PPIG: variants seen among roughly 807,000 people sequenced by gnomAD.
PPIG encodes the protein peptidylprolyl isomerase G, also known as peptidyl-prolyl cis-trans isomerase G.
Under a neutral mutation model 87.9 loss-of-function variants are expected in PPIG, and 26 were observed. The observed-to-expected ratio is 0.30, with a 90% CI of 0.22 to 0.41. PPIG has a LOEUF of 0.41. PPIG is among the 10% of genes least tolerant of loss of function. The pLI is 1.00. For synonymous variants in PPIG, 308 were observed against 276.5 expected, an observed-to-expected ratio of 1.11 and a Z score of -1.13; for missense variants, 722 against 879.4, an observed-to-expected ratio of 0.82 and a Z score of 2.26.
chr2:169,608,945 A>G (rs1457466759), intron 7 of PPIG, among the ~76,000 whole-genome samples, 187 bp downstream of exon 7: 2 of 151,664 alleles, frequency 1.3e-5, no homozygotes, highest in Non-Finnish European at 2.9e-5. Context: ...TTAGCTGGGC[A>G]TGGTGTCGGA....
At chr2:169,629,649 G>T (rs1685984774) in intron 9 of PPIG, among the ~76,000 whole-genome samples, 1 of 152,200 alleles carries the variant, frequency 6.6e-6, no homozygotes, top group Non-Finnish European at 1.5e-5. Flanking sequence ...ATCAGATGCA[G>T]TTGTGACTTG....
Position 169,614,511 on chromosome 2 carries a change from T to A in PPIG, c.407+18T>A. ...TTAGATGGGTAAATATTATTTTATT[T>A]ATTTTACAACCTGTTTTAAATTAAC... is the stretch of plus-strand genomic sequence containing the variant. On this transcript the variant is annotated intron_variant, in intron 8 of 13. Transcript: ENST00000260970. 6.4e-7 allele frequency: 1 copy of A among 1,558,410 alleles called. No individual in the cohort carries two copies. The highest frequency in any genetic ancestry group is 8.7e-7 in the Non-Finnish European group (1 of 1,147,870).
At chr2:169,593,138 A>C in intron 1 of PPIG, among the ~76,000 whole-genome samples, 1 of 151,788 alleles carries the variant, frequency 6.6e-6, no homozygotes, top group East Asian at 1.9e-4. Context: ...ATATATATAT[A>C]TATATCTTAG....
intron 6 of PPIG, among the ~76,000 whole-genome samples, 195 bp from the exon 7 acceptor site, chr2:169,608,476 C>T (rs561108618): frequency 2.0e-5 from 3 of 149,714 alleles, no homozygotes; most frequent in South Asian, 4.3e-4. Context: ...GGCAACAGAG[C>T]GAGACTCCAT....
chr2:169,594,030 G>T (rs1309515124), intron 1 of PPIG, among the ~76,000 whole-genome samples: 2 of 151,964 alleles, frequency 1.3e-5, no homozygotes, highest in Non-Finnish European at 2.9e-5. Flanking sequence ...TTGAACCAGA[G>T]ACAATTTCAC....
intron 6 of PPIG, among the ~76,000 whole-genome samples, chr2:169,607,948 G>C (rs1483077466): frequency 1.3e-5 from 2 of 152,122 alleles, no homozygotes; most frequent in Admixed American, 1.3e-4. Context: ...GTGCACTTTA[G>C]GTTCAAGCTC....
intron 9 of PPIG, among the ~76,000 whole-genome samples, chr2:169,621,296 A>AT (rs1398919491): frequency 2.0e-5 from 3 of 151,734 alleles, no homozygotes; most frequent in Non-Finnish European, 4.4e-5. Context: ...ATTTAAAAAA[A>AT]TTTTTTTTGT....
chr2:169,585,964 A>C (rs1684691986), intron 1 of PPIG, among the ~76,000 whole-genome samples: 2 of 152,048 alleles, frequency 1.3e-5, no homozygotes, highest in Admixed American at 1.3e-4. Context: ...ACATTTTATA[A>C]ATTTTGAAAT....
intron 1 of PPIG, among the ~76,000 whole-genome samples, chr2:169,596,425 C>T (rs1685017623): frequency 1.3e-5 from 2 of 151,990 alleles, no homozygotes; most frequent in Non-Finnish European, 2.9e-5. Flanking sequence ...TTTTGAGTGG[C>T]CTAAACCCCT....
intron 9 of PPIG, among the ~76,000 whole-genome samples, chr2:169,619,743 CTTG>C (rs1355238020): frequency 1.3e-5 from 2 of 151,158 alleles, no homozygotes; most frequent in African/African-American, 2.4e-5. Flanking sequence ...CATCCTCTCC[CTTG>C]TTTTCTTTTT....
chr2:169,617,761 G>A (rs1012250791), intron 9 of PPIG, among the ~76,000 whole-genome samples: 2 of 152,142 alleles, frequency 1.3e-5, no homozygotes, highest in African/African-American at 2.4e-5. Flanking sequence ...GGGCTGAGAC[G>A]ATGGGGTTTT....
chr2:169,602,430 C>T (rs1476765121), intron 1 of PPIG, among the ~76,000 whole-genome samples: 2 of 152,128 alleles, frequency 1.3e-5, no homozygotes, highest in Admixed American at 6.5e-5. Flanking sequence ...ATTCTCCTGC[C>T]TCAGCCTCCT....
intron 9 of PPIG, among the ~76,000 whole-genome samples, chr2:169,630,423 A>G (rs918192344): frequency 2.6e-5 from 4 of 152,214 alleles, no homozygotes; most frequent in Non-Finnish European, 4.4e-5. Context: ...CAATCTTGAT[A>G]ATAAGAGGGA....
chr2:169,586,898 T>C (rs1368122848), intron 1 of PPIG, among the ~76,000 whole-genome samples: 1 of 152,178 alleles, frequency 6.6e-6, no homozygotes, highest in African/African-American at 2.4e-5. Flanking sequence ...GTTGCAAGTC[T>C]TTCTGTTGCA....
chr2:169,590,895 T>C (rs963149667), intron 1 of PPIG, among the ~76,000 whole-genome samples: 3 of 152,162 alleles, frequency 2.0e-5, no homozygotes, highest in Non-Finnish European at 2.9e-5. Context: ...TAGTCCCAGC[T>C]ACTCGGGAGG....
intron 12 of PPIG, among the ~76,000 whole-genome samples, chr2:169,633,795 T>C (rs1686117185): frequency 6.6e-6 from 1 of 152,002 alleles, no homozygotes; most frequent in African/African-American, 2.4e-5. Flanking sequence ...AGTCTTCATC[T>C]TACTTAATCT....
chr2:169,635,429 C>T lies in PPIG; in HGVS notation c.1018-663C>T, dbSNP rs1261082504. Among the ~76,000 whole-genome samples the T allele has an allele frequency of 2.0e-5, 3 of 152,188 alleles. No homozygotes were observed. The East Asian group carries it at 5.8e-4, about 29-fold the overall frequency. On this transcript the variant is annotated intron_variant, in intron 12 of 13. Transcript: ENST00000260970. Reference sequence around the variant, plus strand: ...TAACTCAGAACCTTCCTGTCAGCATCTTTTCCCTTTTCCTTTTATACCCAT... The same window carrying T: ...TAACTCAGAACCTTCCTGTCAGCATTTTTTCCCTTTTCCTTTTATACCCAT...
At chr2:169,635,306 C>T (rs1686153194) in intron 12 of PPIG, among the ~76,000 whole-genome samples, 1 of 152,158 alleles carries the variant, frequency 6.6e-6, no homozygotes, top group South Asian at 2.1e-4. Flanking sequence ...TTGCTTACCT[C>T]ATCAATGTTA....
rs369821589 is a variant in PPIG, at chr2:169,584,843, A to G, written c.-70+353A>G. 1.7e-4 allele frequency: 48 copies of G among 283,590 alleles called. No homozygotes were observed. The East Asian group carries it at 6.6e-3, about 39-fold the overall frequency. 17.6% of individuals were successfully genotyped at this position (283,590 alleles called of 1,614,324 possible). A position where few individuals can be genotyped will look rare whatever the true frequency, so the allele number is the denominator to read the frequency against. On this transcript the variant is annotated intron_variant, in intron 1 of 13. Transcript: ENST00000260970. ...CGGCAGCGACTGCGGCCTGAACTCT[A>G]GGGAGCCGGGTTGATTTTTAAAGCT...
Sources: allele counts gnomAD v4.1 joint callset (sites outside exome capture counted in the v4.1 genomes callset), GRCh38; gene constraint gnomAD v4.1.1; transcripts MANE v1.5; gene names NCBI Gene and HGNC (gene_info 2026-07-23, HGNC 2026-07-21).